The following NAV2 variants were observed in gnomAD, a reference collection of about 807,000 sequenced individuals.
The protein encoded by NAV2 is neuron navigator 2.
Under a neutral mutation model 223.2 loss-of-function variants are expected in NAV2, and 54 were observed. That is an observed-to-expected ratio of 0.24 (90% CI 0.19 to 0.30). The LOEUF is 0.30. Among genes scored for constraint, NAV2 ranks in the 10% least tolerant of loss-of-function variants. The pLI, the probability that NAV2 is intolerant of heterozygous loss-of-function variation, is 1.00. For synonymous variants in NAV2, 1,279 were observed against 1,239.3 expected, an observed-to-expected ratio of 1.03 and a Z score of -0.67; for missense variants, 2,806 against 3,147.5, an observed-to-expected ratio of 0.89 and a Z score of 2.60.
intron 1 of NAV2, among the ~76,000 whole-genome samples, chr11:19,457,149 C>G (rs1851984640): frequency 6.6e-6 from 1 of 152,120 alleles, no homozygotes. Context: ...AGAGTTTATA[C>G]TCTAAATGGA....
At chr11:19,928,491 G>A (rs1198596397) in intron 6 of NAV2, among the ~76,000 whole-genome samples, 1 of 152,050 alleles carries the variant, frequency 6.6e-6, no homozygotes, top group Non-Finnish European at 1.5e-5. Flanking sequence ...CTTTAACAAA[G>A]GTTCAGATAT....
In NAV2 at chr11:19,665,113, G is replaced by A. The variant is rs561123616; in HGVS notation, c.76-167371G>A. Among the ~76,000 whole-genome samples, 43 of 152,296 alleles carry A rather than the reference G, an allele frequency of 2.8e-4. 1 individual carries two copies. Among genetic ancestry groups the A allele is most frequent in the Admixed American group, 2.6e-3 (40 of 15,306 alleles). On this transcript the variant is annotated intron_variant, in intron 1 of 37. Coordinates refer to the NAV2 transcript ENST00000360655. ...GGCAGTCCCAGGTTTGAGAGGCTGA[G>A]CTAAAGGGCTGGGCAGAGAGGGAGC...
intron 1 of NAV2, among the ~76,000 whole-genome samples, chr11:19,688,720 T>A (rs80279903): frequency 2.0e-5 from 3 of 152,112 alleles, no homozygotes; most frequent in Admixed American, 6.5e-5. Context: ...GGCTGAGAGA[T>A]TCTGAACAAA....
intron 11 of NAV2, among the ~76,000 whole-genome samples, chr11:20,014,016 C>T (rs575998819): frequency 1.4e-4 from 22 of 152,320 alleles, no homozygotes; most frequent in Admixed American, 1.3e-3. Context: ...TGCAGCGCAT[C>T]CTACAACATG....
At chr11:20,109,157 A>G (rs1008874937) in intron 36 of NAV2, among the ~76,000 whole-genome samples, 2 of 152,244 alleles carry the variant, frequency 1.3e-5, no homozygotes, top group African/African-American at 2.4e-5. Context: ...TATAGCAGCA[A>G]TGATGGTCTT....
intron 1 of NAV2, chr11:19,714,193 G>T (rs945085278): frequency 1.1e-5 from 8 of 698,334 alleles, no homozygotes; most frequent in Admixed American, 2.0e-5. Flanking sequence ...ACCTGGGATG[G>T]CGGGCACGTC....
At chr11:19,352,370 C>A (rs1477647826) in intron 1 of NAV2, among the ~76,000 whole-genome samples, 2 of 152,196 alleles carry the variant, frequency 1.3e-5, no homozygotes, top group African/African-American at 4.8e-5. Context: ...CATTTGGGAC[C>A]TCTGACACTG....
At chr11:19,811,471 G>A (rs1433100904) in intron 1 of NAV2, among the ~76,000 whole-genome samples, 3 of 152,168 alleles carry the variant, frequency 2.0e-5, no homozygotes, top group African/African-American at 7.2e-5. Context: ...AGCAGGGAAG[G>A]GAGGCTTCTA....
chr11:19,374,740 A>T (rs1018296744), intron 1 of NAV2, among the ~76,000 whole-genome samples: 11 of 152,200 alleles, frequency 7.2e-5, no homozygotes, highest in African/African-American at 2.7e-4. Flanking sequence ...AGAGATCAGG[A>T]TGTGGACATT....
chr11:20,011,310 T>G (rs1213125727), intron 11 of NAV2, among the ~76,000 whole-genome samples: 1 of 152,222 alleles, frequency 6.6e-6, no homozygotes, highest in Non-Finnish European at 1.5e-5. Flanking sequence ...AAAATGCAGA[T>G]AAGCAAACAA....
rs756460029 is a variant in NAV2 at position 20,045,708 on chromosome 11, A to G, written c.3902+38A>G. On this transcript the variant is annotated intron_variant, in intron 14 of 37. Coordinates refer to ENST00000349880, the MANE Select transcript of NAV2 (RefSeq NM_145117.5). Reference sequence around the variant, plus strand: ...ATAAATGGTGCAGAGCAGAACCAGAATACAGGGAATGGATTTAGTAATTTC... The same window carrying G: ...ATAAATGGTGCAGAGCAGAACCAGAGTACAGGGAATGGATTTAGTAATTTC... The G allele has an allele frequency of 1.3e-5, 19 of 1,494,554 alleles. No homozygotes were observed. The African/African-American group carries it at 1.9e-4, about 15-fold the overall frequency. 92.6% of individuals were successfully genotyped at this position (1,494,554 alleles called of 1,614,324 possible). A position where few individuals can be genotyped will look rare whatever the true frequency, so the allele number is the denominator to read the frequency against.
chr11:19,451,460 T>C lies in NAV2; in HGVS notation c.75+100433T>C, dbSNP rs559504029. Among the ~76,000 whole-genome samples the C allele has an allele frequency of 4.6e-5, 7 of 152,348 alleles. No homozygotes were observed. The East Asian group carries it at 1.3e-3, about 29-fold the overall frequency. On this transcript the variant is annotated intron_variant, in intron 1 of 37. Transcript: ENST00000360655. Reference sequence around the variant, plus strand: ...TCCTTCCCTGCATCCTTTCCTTCTTTCCAACAGATATTTATTGAGGACCTA... The same window carrying C: ...TCCTTCCCTGCATCCTTTCCTTCTTCCCAACAGATATTTATTGAGGACCTA...
intron 11 of NAV2, among the ~76,000 whole-genome samples, chr11:20,030,488 C>G (rs911303696): frequency 1.3e-5 from 2 of 152,176 alleles, no homozygotes; most frequent in Admixed American, 6.5e-5. Context: ...AAATTAAGAT[C>G]ATTTTCACTT....
chr11:19,933,270 C>T lies in NAV2; in HGVS notation c.1026C>T (p.Cys342=), dbSNP rs2045553084. ...GCAGCAGCTCCACCCCTACTAATTG[C>T]AGTACCTCCTCGGCCATCCCGCAGC... The part of the protein sequence containing the change: ...ESGSSSTPTN[C]STSSAIPQPG... Residue 342 remains cysteine, a synonymous_variant, in exon 7 of 38, where the codon TGC becomes TGT. Transcript: ENST00000349880. The surrounding 1 kb of genome is among the most constrained non-coding windows in gnomAD (Gnocchi z 4.3). 1.2e-6 allele frequency: 2 copies of T among 1,612,776 alleles called. No homozygotes were observed. The highest frequency in any genetic ancestry group is 1.7e-6 in the Non-Finnish European group (2 of 1,179,414).
intron 1 of NAV2, among the ~76,000 whole-genome samples, chr11:19,774,812 C>T (rs1268186633): frequency 6.6e-6 from 1 of 152,084 alleles, no homozygotes; most frequent in Admixed American, 6.5e-5. Flanking sequence ...GAGGCAGGTA[C>T]CTTCTGTATC....
At chr11:19,876,587 G>GA (rs561457084) in intron 4 of NAV2, among the ~76,000 whole-genome samples, 1 of 151,952 alleles carries the variant, frequency 6.6e-6, no homozygotes, top group Non-Finnish European at 1.5e-5. Context: ...TCTGACAAAT[G>GA]AAAAAAATGG....
At chr11:19,923,593 G>A (rs2153230960) in intron 6 of NAV2, among the ~76,000 whole-genome samples, 1 of 152,300 alleles carries the variant, frequency 6.6e-6, no homozygotes, top group Non-Finnish European at 1.5e-5. Context: ...CTAGAGGAAG[G>A]GGCCTACAGA....
chr11:19,838,514 A>T lies in NAV2; in HGVS notation c.386-4357A>T, dbSNP rs1370492968. 2.0e-5 allele frequency among the ~76,000 whole-genome samples: 3 copies of T among 152,220 alleles called. No individual in the cohort carries two copies. The East Asian group carries it at 5.8e-4, about 29-fold the overall frequency. ...CGGGCAGGGCCACCAGGTATAAGGC[A>T]ATGAATTCTGGGCTTTAGCCTAAGA... On this transcript the variant is annotated intron_variant, in intron 2 of 37. Transcript: ENST00000349880.
intron 1 of NAV2, among the ~76,000 whole-genome samples, chr11:19,641,138 T>G (rs779819976): frequency 5.3e-5 from 8 of 152,178 alleles, no homozygotes; most frequent in African/African-American, 1.9e-4. Context: ...CACCATCCCA[T>G]GCCCACCTGG....
Sources: gnomAD v4.1 joint callset for allele counts (sites outside exome capture counted in the v4.1 genomes callset) on GRCh38, gnomAD v4.1.1 for gene constraint, Gnocchi (gnomAD v3.1) non-coding constraint, MANE v1.5 for transcripts, NCBI Gene and HGNC (gene_info 2026-07-23, HGNC 2026-07-21) for gene names.